ATP8A2: variants seen among roughly 807,000 people sequenced by gnomAD.
The protein encoded by ATP8A2 is phospholipid-transporting ATPase IB.
ATP8A2 carries 100 observed loss-of-function variants against 165.6 expected under a neutral mutation model. That is an observed-to-expected ratio of 0.60 (90% CI 0.51 to 0.71). The LOEUF (loss-of-function observed/expected upper bound fraction) is 0.71. Ranked by LOEUF, ATP8A2 falls within the 30% of genes least tolerant of loss-of-function variation. The pLI is 0.00. For synonymous variants in ATP8A2, 543 were observed against 548.8 expected (o/e 0.99, Z 0.15); for missense variants, 1,227 against 1,479.5 (o/e 0.83, Z 2.80).
chr13:25,372,284 C>T lies in ATP8A2; in HGVS notation c.72C>T (p.Ser24=). The change falls in exon 1 of 37, where the codon TCC becomes TCT. Residue 24 remains serine (S), a synonymous_variant. Coordinates refer to ENST00000381655, the MANE Select transcript of ATP8A2 (RefSeq NM_016529.6). The surrounding 1 kb of genome is among the most constrained non-coding windows in gnomAD (Gnocchi z 4.8). The stretch of plus-strand genomic sequence containing the variant: ...CGCGGAGGTCGAGGATCCGCTCGTC[C>T]GTGGGTGAGCTGGGAGGGGCGCGGC... The part of the protein sequence containing the change: ...SLPRRSRIRS[S]VGPVRSSLGY... 1.7e-6 allele frequency: 2 copies of T among 1,189,144 alleles called. No individual in the cohort carries two copies. Among genetic ancestry groups the T allele is most frequent in the Non-Finnish European group, 1.1e-6 (1 of 886,084 alleles). The allele number at this position is 1,189,144 out of a possible 1,614,324, so 73.7% of individuals were successfully genotyped here.
At chr13:25,516,783 C>CTT (rs770018909) in intron 2 of ATP8A2, among the ~76,000 whole-genome samples, 25 of 135,872 alleles carry the variant, frequency 1.8e-4, no homozygotes, top group African/African-American at 2.7e-4. Flanking sequence ...TTCTTTCTTA[C>CTT]TTTTTTTTTT....
intron 1 of ATP8A2, among the ~76,000 whole-genome samples, chr13:25,435,114 T>C (rs562483419): frequency 6.6e-6 from 1 of 151,794 alleles, no homozygotes; most frequent in East Asian, 1.9e-4. Flanking sequence ...TTCCTGGGCA[T>C]AGGAAATCTT....
chr13:25,754,271 A>ACTGGCC (rs2044214697), intron 25 of ATP8A2, among the ~76,000 whole-genome samples: 2 of 152,202 alleles, frequency 1.3e-5, no homozygotes, highest in Non-Finnish European at 2.9e-5. Context: ...ACGAAGAAGA[A>ACTGGCC]CTGGCCCTGG....
At chr13:25,636,308 G>C (rs533737791) in intron 24 of ATP8A2, among the ~76,000 whole-genome samples, 4 of 152,086 alleles carry the variant, frequency 2.6e-5, no homozygotes, top group African/African-American at 9.7e-5. Flanking sequence ...AGAAATATGA[G>C]TTGACAGATT....
chr13:25,860,147 G>A (rs771248201), intron 30 of ATP8A2, 48 bp from the exon 31 acceptor site: 3 of 1,262,538 alleles, frequency 2.4e-6, no homozygotes, highest in South Asian at 2.4e-5. Context: ...TAAATAGGTG[G>A]CCATGCTCAG....
At chr13:25,992,742 G>C (rs1956420612) in intron 35 of ATP8A2, among the ~76,000 whole-genome samples, 1 of 150,706 alleles carries the variant, frequency 6.6e-6, no homozygotes, top group Middle Eastern at 3.4e-3. Context: ...CATTGTGCAG[G>C]TTAGTTACAT....
chr13:25,802,562 G>A (rs1950643391), intron 27 of ATP8A2, among the ~76,000 whole-genome samples: 1 of 152,162 alleles, frequency 6.6e-6, no homozygotes, highest in Non-Finnish European at 1.5e-5. Context: ...AATGCAGAAA[G>A]GCAGTCTGTG....
intron 27 of ATP8A2, among the ~76,000 whole-genome samples, chr13:25,780,736 C>A (rs2044855153): frequency 6.6e-6 from 1 of 152,002 alleles, no homozygotes; most frequent in Admixed American, 6.6e-5. Flanking sequence ...AAGGAGCGTG[C>A]AAACTAGATC....
At chr13:25,596,619 G>C (rs1056676453) in intron 24 of ATP8A2, among the ~76,000 whole-genome samples, 5 of 151,858 alleles carry the variant, frequency 3.3e-5, no homozygotes, top group Non-Finnish European at 7.4e-5. Flanking sequence ...TTTTTCGCTG[G>C]GTATTTCATT....
chr13:25,847,034 T>G (rs913953297), intron 30 of ATP8A2, among the ~76,000 whole-genome samples: 1 of 152,188 alleles, frequency 6.6e-6, no homozygotes, highest in Non-Finnish European at 1.5e-5. Flanking sequence ...TTTAAAAGAT[T>G]CAGAGTCAAG....
chr13:25,459,365 C>T (rs2035447325), intron 1 of ATP8A2, among the ~76,000 whole-genome samples: 1 of 152,176 alleles, frequency 6.6e-6, no homozygotes, highest in Non-Finnish European at 1.5e-5. Flanking sequence ...TTTTCTCTGT[C>T]CACTTAAGAC....
chr13:25,536,135 G>A (rs894981900), intron 6 of ATP8A2, among the ~76,000 whole-genome samples: 25 of 151,584 alleles, frequency 1.6e-4, no homozygotes, highest in African/African-American at 5.1e-4. Context: ...CTTTTTAGAC[G>A]GAGTCTCGCT....
chr13:25,425,713 T>C (rs2034430103), intron 1 of ATP8A2, among the ~76,000 whole-genome samples: 1 of 152,176 alleles, frequency 6.6e-6, no homozygotes. Flanking sequence ...TAGCTGGGAC[T>C]ACAAGTGCCC....
At chr13:25,692,488 A>T (rs976010614) in intron 24 of ATP8A2, among the ~76,000 whole-genome samples, 5 of 151,874 alleles carry the variant, frequency 3.3e-5, no homozygotes, top group African/African-American at 9.7e-5. Context: ...TTGAAGAGAG[A>T]CTCTTGCCAT....
At chr13:25,425,222 G>A (rs1671556558) in intron 1 of ATP8A2, among the ~76,000 whole-genome samples, 1 of 151,924 alleles carries the variant, frequency 6.6e-6, no homozygotes, top group South Asian at 2.1e-4. Context: ...AGAGCACTTG[G>A]GTTCCATTAC....
intron 35 of ATP8A2, among the ~76,000 whole-genome samples, chr13:25,978,712 C>A (rs183010035): frequency 1.2e-3 from 184 of 152,122 alleles, no homozygotes; most frequent in African/African-American, 4.2e-3. Context: ...GAGGCTGAGG[C>A]GGGCGGATCA....
intron 35 of ATP8A2, among the ~76,000 whole-genome samples, chr13:25,996,559 CTGTTGCCCAGGCTAGAGTGTGGCGG>C (rs1014380740): frequency 8.5e-5 from 13 of 152,188 alleles, no homozygotes; most frequent in African/African-American, 3.1e-4. Context: ...GAGTCTTACT[CTGTTGCCCAGGCTAGAGTGTGGCGG>C]TGTGATCTCA....
chr13:25,636,305 T>C (rs143665800), intron 24 of ATP8A2, among the ~76,000 whole-genome samples: 53 of 152,292 alleles, frequency 3.5e-4, no homozygotes, highest in African/African-American at 1.2e-3. Flanking sequence ...TTAAGAAATA[T>C]GAGTTGACAG....
Position 26,021,616 on chromosome 13 carries a change from C to A in ATP8A2, c.*1631C>A, listed in dbSNP as rs1247943928. 1 of 152,164 alleles carries A rather than the reference C, an allele frequency of 6.6e-6. No individual in the cohort carries two copies. Among genetic ancestry groups the A allele is most frequent in the African/African-American group, 2.4e-5 (1 of 41,410 alleles). 9.4% of individuals were successfully genotyped at this position (152,164 alleles called of 1,614,324 possible). ...CCTGGAGCCCTTACTAAACAACCTGCCTGGAGCCCTGTTCTCTGCTCTGGT... is the reference window on the plus strand; with the variant it reads ...CCTGGAGCCCTTACTAAACAACCTGACTGGAGCCCTGTTCTCTGCTCTGGT... On this transcript the variant is annotated 3_prime_UTR_variant, in exon 37 of 37. Transcript: ENST00000381655.
Sources: gnomAD v4.1 joint callset for allele counts (sites outside exome capture counted in the v4.1 genomes callset) on GRCh38, gnomAD v4.1.1 for gene constraint, Gnocchi (gnomAD v3.1) non-coding constraint, MANE v1.5 for transcripts, NCBI Gene and HGNC (gene_info 2026-07-23, HGNC 2026-07-21) for gene names.